LRMDA: variants seen among roughly 807,000 people sequenced by gnomAD.
LRMDA encodes the protein leucine-rich melanocyte differentiation-associated protein.
Under a neutral mutation model 29.8 loss-of-function variants are expected in LRMDA, and 18 were observed. The observed-to-expected ratio is 0.60, with a 90% CI of 0.42 to 0.90. The LOEUF is 0.90. Among genes scored for constraint, LRMDA ranks in the 40% least tolerant of loss-of-function variants. The probability of loss-of-function intolerance (pLI) is 0.00; values close to 1 mark genes in which losing one functional copy is unlikely to be tolerated. For synonymous variants in LRMDA, 125 were observed against 109.4 expected (o/e 1.14, Z -0.89); for missense variants, 273 against 273.9 (o/e 1.00, Z 0.02).
In LRMDA at chr10:75,958,577, GC is replaced by G. The variant is rs547719016; in HGVS notation, c.132-77428del. On this transcript the variant is annotated intron_variant, in intron 2 of 6. Coordinates refer to ENST00000611255, the MANE Select transcript of LRMDA (RefSeq NM_001305581.2). ...AAGAGTTCAGGTTGAAAAAAAACCTGCCCACTTTCTCTAATAAGTGTAGAGT... is the reference window on the plus strand; with the variant it reads ...AAGAGTTCAGGTTGAAAAAAAACCTGCCACTTTCTCTAATAAGTGTAGAGT... Among the ~76,000 whole-genome samples the G allele has an allele frequency of 3.9e-3, 594 of 152,102 alleles. 9 individuals carry two copies. Among genetic ancestry groups the G allele is most frequent in the African/African-American group, 0.014 (578 of 41,490 alleles).
intron 2 of LRMDA, among the ~76,000 whole-genome samples, chr10:76,030,847 A>T (rs900286842): frequency 8.5e-5 from 13 of 152,214 alleles, no homozygotes; most frequent in African/African-American, 2.7e-4. Context: ...GAGTGGTCAC[A>T]TCATACCTCA....
intron 2 of LRMDA, among the ~76,000 whole-genome samples, chr10:75,636,492 A>G (rs1293943630): frequency 6.6e-6 from 1 of 152,202 alleles, no homozygotes; most frequent in Non-Finnish European, 1.5e-5. Flanking sequence ...TTAGCTATTG[A>G]TATCATTATC....
intron 2 of LRMDA, among the ~76,000 whole-genome samples, chr10:75,853,740 T>A (rs1224140758): frequency 6.6e-6 from 1 of 152,192 alleles, no homozygotes; most frequent in Non-Finnish European, 1.5e-5. Context: ...GACTCTGTGA[T>A]TTCACAGTGA....
At chr10:75,609,622 A>C (rs1363870059) in intron 2 of LRMDA, among the ~76,000 whole-genome samples, 2 of 152,246 alleles carry the variant, frequency 1.3e-5, no homozygotes, top group African/African-American at 4.8e-5. Flanking sequence ...ATACTTTGCC[A>C]GGTGGTAAGC....
At chr10:76,509,540 A>G (rs1418969777) in intron 6 of LRMDA, among the ~76,000 whole-genome samples, 1 of 152,214 alleles carries the variant, frequency 6.6e-6, no homozygotes, top group Admixed American at 6.5e-5. Context: ...CAGCATCCCA[A>G]CTTCTTGGAA....
intron 6 of LRMDA, among the ~76,000 whole-genome samples, chr10:76,425,598 T>C (rs1163745160): frequency 6.6e-6 from 1 of 151,378 alleles, no homozygotes; most frequent in Admixed American, 6.6e-5. Flanking sequence ...ATTTATTTAT[T>C]TTTCATATAT....
chr10:76,519,819 G>A (rs1355883219), intron 6 of LRMDA, among the ~76,000 whole-genome samples: 10 of 151,898 alleles, frequency 6.6e-5, no homozygotes, highest in African/African-American at 2.4e-4. Context: ...TCTTCTTATG[G>A]AGCTGTTAAT....
At chr10:76,448,664 G>A (rs911436270) in intron 6 of LRMDA, among the ~76,000 whole-genome samples, 21 of 151,856 alleles carry the variant, frequency 1.4e-4, no homozygotes, top group African/African-American at 5.1e-4. Flanking sequence ...TGAGACTCTA[G>A]ATTCCTCTCC....
intron 2 of LRMDA, among the ~76,000 whole-genome samples, chr10:75,691,088 CTATGT>C (rs1564541025): frequency 1.3e-5 from 1 of 78,050 alleles, no homozygotes; most frequent in Admixed American, 1.2e-4. Flanking sequence ...ATCTATATAT[CTATGT>C]ACATAGATAT....
In LRMDA at chr10:75,724,778, C is replaced by A. The variant is rs183367879; in HGVS notation, c.131+286284C>A. ...GAGAAGTTCCAGCATAGGAGAGTGT[C>A]GGCTGTTTTGTATTGCTGGTTTTAG... On this transcript the variant is annotated intron_variant, in intron 2 of 6. Transcript: ENST00000611255. Among the ~76,000 whole-genome samples the A allele has an allele frequency of 2.0e-5, 3 of 152,294 alleles. No homozygotes were observed. In the East Asian group the frequency reaches 5.8e-4, roughly 29 times the overall value.
intron 2 of LRMDA, among the ~76,000 whole-genome samples, chr10:75,862,148 A>G (rs901984447): frequency 1.3e-5 from 2 of 151,398 alleles, no homozygotes; most frequent in African/African-American, 4.9e-5. Flanking sequence ...TACATTTGTT[A>G]TATAGCAATA....
chr10:75,573,837 G>A (rs568902625), intron 2 of LRMDA, among the ~76,000 whole-genome samples: 6 of 152,126 alleles, frequency 3.9e-5, no homozygotes, highest in African/African-American at 1.4e-4. Flanking sequence ...CACAGGTCTT[G>A]GGTTCTGGAA....
chr10:75,658,409 A>C (rs1166222212), intron 2 of LRMDA, among the ~76,000 whole-genome samples: 1 of 152,170 alleles, frequency 6.6e-6, no homozygotes, highest in Non-Finnish European at 1.5e-5. Context: ...AGACTAGGGA[A>C]GGAAAAAGAG....
intron 6 of LRMDA, among the ~76,000 whole-genome samples, chr10:76,343,730 A>G (rs1350336801): frequency 6.6e-6 from 1 of 152,190 alleles, no homozygotes; most frequent in Non-Finnish European, 1.5e-5. Flanking sequence ...TACTAGAAAT[A>G]CTAACCAAAG....
chr10:75,596,193 G>A (rs1840785953), intron 2 of LRMDA, among the ~76,000 whole-genome samples: 1 of 152,208 alleles, frequency 6.6e-6, no homozygotes, highest in Admixed American at 6.5e-5. Context: ...TACATGACAG[G>A]TGGTGAAACT....
intron 2 of LRMDA, among the ~76,000 whole-genome samples, chr10:75,814,776 A>G (rs1016882391): frequency 1.3e-5 from 2 of 152,354 alleles, no homozygotes; most frequent in Middle Eastern, 6.8e-3. Flanking sequence ...CAATTAGCAC[A>G]CTTAAGATGC....
chr10:76,365,964 G>T (rs927160597), intron 6 of LRMDA, among the ~76,000 whole-genome samples: 1 of 152,152 alleles, frequency 6.6e-6, no homozygotes, highest in Admixed American at 6.5e-5. Context: ...CATGTGGCTA[G>T]CCAGTTATCC....
In LRMDA at chr10:76,454,619, C is replaced by A. The variant is rs553572981; in HGVS notation, c.602-102590C>A. Among the ~76,000 whole-genome samples the A allele has an allele frequency of 7.6e-5, 11 of 145,054 alleles. No homozygotes were observed. The Admixed American group carries it at 7.6e-4, about 10-fold the overall frequency. On this transcript the variant is annotated intron_variant, in intron 6 of 6. Coordinates refer to ENST00000611255, the MANE Select transcript of LRMDA (RefSeq NM_001305581.2). Reference sequence around the variant, plus strand: ...CTAGACCAAGCTGTTCTCACCGCCACCCCCCACCCCGCCCGACTTTGACTT... The same window carrying A: ...CTAGACCAAGCTGTTCTCACCGCCAACCCCCACCCCGCCCGACTTTGACTT...
intron 5 of LRMDA, among the ~76,000 whole-genome samples, chr10:76,287,376 G>C (rs1239534736): frequency 6.6e-6 from 1 of 152,012 alleles, no homozygotes; most frequent in Non-Finnish European, 1.5e-5. Context: ...CAAAGATCCT[G>C]TTCTGAATTC....
Sources: gnomAD v4.1 joint callset for allele counts (sites outside exome capture counted in the v4.1 genomes callset) on GRCh38, gnomAD v4.1.1 for gene constraint, MANE v1.5 for transcripts, NCBI Gene and HGNC (gene_info 2026-07-23, HGNC 2026-07-21) for gene names.